The following MARCHF2 variants were observed in gnomAD, a reference collection of about 807,000 sequenced individuals.
MARCHF2 encodes membrane associated ring-CH-type finger 2.
Under a neutral mutation model 24.0 loss-of-function variants are expected in MARCHF2, and 22 were observed. The observed-to-expected ratio is 0.92, with a 90% CI of 0.66 to 1.31. MARCHF2 has a LOEUF of 1.31. MARCHF2 is among the 50% of genes most tolerant of loss of function. MARCHF2 has a pLI of 0.00. For synonymous variants in MARCHF2, 154 were observed against 153.0 expected (o/e 1.01, Z -0.05); for missense variants, 301 against 335.3 (o/e 0.90, Z 0.80).
At chr19:8,419,431 T>C (rs1042767250) in intron 1 of MARCHF2, among the ~76,000 whole-genome samples, 1 of 151,790 alleles carries the variant, frequency 6.6e-6, no homozygotes, top group Non-Finnish European at 1.5e-5. Context: ...GAGGCGGAGG[T>C]TGCAGTGAGC....
chr19:8,415,721 C>CAAAAAAAAAAAAAAAAAAAAAAAA (rs1309501077), intron 1 of MARCHF2, among the ~76,000 whole-genome samples: 3 of 17,844 alleles, frequency 1.7e-4, no homozygotes, highest in African/African-American at 3.9e-4. Flanking sequence ...AACTCCATCT[C>CAAAAAAAAAAAAAAAAAAAAAAAA]AAAAAAAAAA....
chr19:8,432,162 A>G (rs72620540), intron 4 of MARCHF2, among the ~76,000 whole-genome samples: 40,611 of 151,960 alleles, frequency 0.27, 5,851 homozygotes, highest in Admixed American at 0.37. Flanking sequence ...TGTCTTTAAA[A>G]AAAGAAAAAG....
intron 2 of MARCHF2, among the ~76,000 whole-genome samples, chr19:8,423,190 G>A (rs1967301090): frequency 6.6e-6 from 1 of 150,862 alleles, no homozygotes. Context: ...CTCCCAAGTA[G>A]CTAGGATTAC....
intron 1 of MARCHF2, among the ~76,000 whole-genome samples, chr19:8,415,745 A>AAAAAC (rs1967068647): frequency 3.5e-4 from 19 of 53,996 alleles, no homozygotes; most frequent in South Asian, 6.3e-4. Context: ...CAAAAAAAAC[A>AAAAAC]AAAAAAAAAA....
chr19:8,426,873 G>C, intron 3 of MARCHF2, 69 bp downstream of exon 3: 1 of 1,420,236 alleles, frequency 7.0e-7, no homozygotes. Context: ...AAAGGCAGGA[G>C]CTGCCCCGGG....
At chr19:8,424,252 A>T (rs918831086) in intron 2 of MARCHF2, among the ~76,000 whole-genome samples, 1 of 151,900 alleles carries the variant, frequency 6.6e-6, no homozygotes, top group Non-Finnish European at 1.5e-5. Flanking sequence ...TTTTATTTCT[A>T]TTTCCCCCTC....
chr19:8,415,404 A>G (rs1967049408), intron 1 of MARCHF2, among the ~76,000 whole-genome samples: 5 of 150,740 alleles, frequency 3.3e-5, no homozygotes, highest in Non-Finnish European at 7.4e-5. Context: ...AAAGAAAAAA[A>G]AAAAAAAACA....
chr19:8,428,075 A>G (rs1482373916), intron 3 of MARCHF2, among the ~76,000 whole-genome samples: 15 of 152,276 alleles, frequency 9.9e-5, no homozygotes, highest in Non-Finnish European at 1.8e-4. Flanking sequence ...CCTGGCTAAC[A>G]TGGTGAAACC....
rs199903239 is a variant in MARCHF2 at position 8,430,768 on chromosome 19, C to T, written c.483C>T (p.Arg161=). The part of the protein sequence containing the change: ...LAAISGWLCL[R]GAQDHLRLHS... ...CCATCTCAGGCTGGTTGTGCCTGCG[C>T]GGGGCCCAGGACCACCTCCGGCTCC... Residue 161 remains arginine, a synonymous_variant, in exon 4 of 5, where the codon CGC becomes CGT. Transcript: ENST00000215555. The surrounding 1 kb of genome is among the most constrained non-coding windows in gnomAD (Gnocchi z 4.4). 119 of 1,611,196 alleles carry T rather than the reference C, an allele frequency of 7.4e-5. No individual in the cohort carries two copies. The highest frequency in any genetic ancestry group is 6.8e-4 in the Middle Eastern group (4 of 5,906).
chr19:8,417,625 A>T (rs1967116008), intron 1 of MARCHF2, among the ~76,000 whole-genome samples: 1 of 150,948 alleles, frequency 6.6e-6, no homozygotes, highest in Non-Finnish European at 1.5e-5. Flanking sequence ...TCTAGTAGAG[A>T]TGGGGTTTTG....
At chr19:8,425,503 T>A (rs1392121479) in intron 2 of MARCHF2, among the ~76,000 whole-genome samples, 1 of 151,968 alleles carries the variant, frequency 6.6e-6, no homozygotes, top group Non-Finnish European at 1.5e-5. Flanking sequence ...GCTTCAGCCT[T>A]CCAAAGTGCT....
intron 1 of MARCHF2, among the ~76,000 whole-genome samples, chr19:8,420,951 C>T (rs551893101): frequency 1.3e-5 from 2 of 152,162 alleles, no homozygotes; most frequent in Non-Finnish European, 2.9e-5. Context: ...GTGTGAGCCA[C>T]TGCTCCTGGC....
intron 3 of MARCHF2, among the ~76,000 whole-genome samples, chr19:8,428,480 T>A (rs1240050518): frequency 1.3e-5 from 2 of 148,330 alleles, no homozygotes; most frequent in Non-Finnish European, 3.0e-5. Context: ...AAAGCAAAAC[T>A]CTGTCTCAAA....
In MARCHF2 at chr19:8,430,197, C is replaced by T. The variant is rs918398628; in HGVS notation, c.373-461C>T. Among the ~76,000 whole-genome samples the T allele has an allele frequency of 6.6e-6, 1 of 152,040 alleles. No homozygotes were observed. Among genetic ancestry groups the T allele is most frequent in the Non-Finnish European group, 1.5e-5 (1 of 68,028 alleles). On this transcript the variant is annotated intron_variant, in intron 3 of 4. Transcript: ENST00000215555. The surrounding 1 kb of genome is among the most constrained non-coding windows in gnomAD (Gnocchi z 4.4). ...TGACAAACATGGTGAAACCCCATCT[C>T]TACTAAAAATACAAAATTAGCAGGG...
intron 3 of MARCHF2, among the ~76,000 whole-genome samples, chr19:8,428,810 A>G (rs987099911): frequency 2.0e-5 from 3 of 151,424 alleles, no homozygotes; most frequent in African/African-American, 7.3e-5. Flanking sequence ...CTAAAAATAC[A>G]AAAATTAGCT....
intron 4 of MARCHF2, among the ~76,000 whole-genome samples, chr19:8,431,798 A>G (rs1967594286): frequency 6.6e-6 from 1 of 152,166 alleles, no homozygotes; most frequent in Admixed American, 6.6e-5. Flanking sequence ...ATATTGCGCC[A>G]CTGCACTCCA....
chr19:8,420,509 C>A (rs1967207160), intron 1 of MARCHF2, among the ~76,000 whole-genome samples: 1 of 147,864 alleles, frequency 6.8e-6, no homozygotes. Context: ...GCGCTCCAGC[C>A]TGGGCAACAC....
chr19:8,438,260 A>G, intron 4 of MARCHF2, 128 bp from the exon 5 acceptor site: 3 of 947,902 alleles, frequency 3.2e-6, no homozygotes, highest in Non-Finnish European at 4.9e-6. Context: ...AGGAATGTTC[A>G]TAAGCCAGCT....
intron 2 of MARCHF2, among the ~76,000 whole-genome samples, chr19:8,422,517 C>T (rs535580707): frequency 1.5e-4 from 22 of 150,902 alleles, no homozygotes; most frequent in African/African-American, 4.9e-4. Flanking sequence ...CTTAGCCACC[C>T]GAGTAGCTGG....
Sources: allele counts gnomAD v4.1 joint callset (sites outside exome capture counted in the v4.1 genomes callset), GRCh38; gene constraint gnomAD v4.1.1; non-coding constraint Gnocchi (gnomAD v3.1); transcripts MANE v1.5; gene names NCBI Gene and HGNC (gene_info 2026-07-23, HGNC 2026-07-21).